OXCT1: variants seen among roughly 807,000 people sequenced by gnomAD.
The protein encoded by OXCT1 is succinyl-CoA:3-ketoacid coenzyme A transferase 1, mitochondrial.
OXCT1 carries 27 observed loss-of-function variants against 69.6 expected under a neutral mutation model. The observed-to-expected ratio is 0.39, with a 90% CI of 0.29 to 0.54. OXCT1 has a LOEUF of 0.54. Among genes scored for constraint, OXCT1 ranks in the 20% least tolerant of loss-of-function variants. The pLI is 0.72. For synonymous variants in OXCT1, 202 were observed against 217.8 expected (o/e 0.93, Z 0.64); for missense variants, 437 against 650.2 (o/e 0.67, Z 3.57).
intron 13 of OXCT1, among the ~76,000 whole-genome samples, chr5:41,782,178 T>C (rs1230852990): frequency 1.3e-5 from 2 of 151,670 alleles, no homozygotes; most frequent in African/African-American, 4.8e-5. Context: ...TATCTCATTC[T>C]GGTTTTGATT....
intron 7 of OXCT1, among the ~76,000 whole-genome samples, chr5:41,819,566 C>T (rs980543752): frequency 3.9e-5 from 6 of 152,118 alleles, no homozygotes; most frequent in African/African-American, 1.4e-4. Context: ...GACAGGGTTT[C>T]GCCACATTTG....
At chr5:41,776,256 T>A (rs1265189075) in intron 13 of OXCT1, among the ~76,000 whole-genome samples, 1 of 152,128 alleles carries the variant, frequency 6.6e-6, no homozygotes, top group Admixed American at 6.6e-5. Context: ...AAGGAAAGAC[T>A]GAGAAACTGG....
At chr5:41,825,346 T>A (rs546540913) in intron 7 of OXCT1, among the ~76,000 whole-genome samples, 84 of 152,280 alleles carry the variant, frequency 5.5e-4, no homozygotes, top group African/African-American at 2.0e-3. Context: ...GTCTTAGACA[T>A]GAGTGGACTT....
At chr5:41,791,898 G>A (rs545206804) in intron 13 of OXCT1, among the ~76,000 whole-genome samples, 11 of 152,078 alleles carry the variant, frequency 7.2e-5, no homozygotes, top group Non-Finnish European at 1.5e-4. Context: ...CCGCCTCCCG[G>A]GTGCACGCCA....
chr5:41,760,530 A>C (rs768640998), intron 14 of OXCT1, among the ~76,000 whole-genome samples: 2 of 152,160 alleles, frequency 1.3e-5, no homozygotes, highest in Non-Finnish European at 2.9e-5. Context: ...GTGGAAGAAA[A>C]GAATTTGCAA....
intron 14 of OXCT1, among the ~76,000 whole-genome samples, chr5:41,760,343 C>A (rs1405497141): frequency 6.6e-6 from 1 of 152,044 alleles, no homozygotes; most frequent in Non-Finnish European, 1.5e-5. Context: ...AAAAATACCT[C>A]ATTCCAATTC....
At chr5:41,788,832 T>A (rs990475670) in intron 13 of OXCT1, among the ~76,000 whole-genome samples, 3 of 152,134 alleles carry the variant, frequency 2.0e-5, no homozygotes, top group Middle Eastern at 6.3e-3. Flanking sequence ...GAATATATAT[T>A]CAAGTGCAAA....
Position 41,825,570 on chromosome 5 carries a change from C to A in OXCT1, c.732+14881G>T, listed in dbSNP as rs574243435. ...CCTTCCACATAACTTACATTTTGGA[C>A]CTTAAGTCCCTCTGTGTTCAGGGAG... On this transcript the variant is annotated intron_variant, in intron 7 of 16. Coordinates refer to ENST00000196371, the MANE Select transcript of OXCT1 (RefSeq NM_000436.4). 4.6e-5 allele frequency among the ~76,000 whole-genome samples: 7 copies of A among 152,320 alleles called. No individual in the cohort carries two copies. The South Asian group carries it at 1.5e-3, about 32-fold the overall frequency.
intron 1 of OXCT1, among the ~76,000 whole-genome samples, chr5:41,863,943 A>G (rs1294625460): frequency 6.6e-6 from 1 of 152,202 alleles, no homozygotes; most frequent in African/African-American, 2.4e-5. Context: ...AGAGGGACAA[A>G]AACACCTTAC....
At chr5:41,784,429 A>G (rs1745553106) in intron 13 of OXCT1, among the ~76,000 whole-genome samples, 1 of 152,230 alleles carries the variant, frequency 6.6e-6, no homozygotes, top group Admixed American at 6.5e-5. Flanking sequence ...TATGTACTCA[A>G]CATATATCCT....
intron 5 of OXCT1, among the ~76,000 whole-genome samples, chr5:41,844,917 G>A (rs1468462013): frequency 6.9e-6 from 1 of 144,150 alleles, no homozygotes; most frequent in African/African-American, 2.6e-5. Context: ...ACCCTCTCTC[G>A]CTGCTTCTGC....
chr5:41,795,168 T>G (rs1187000526), intron 11 of OXCT1, among the ~76,000 whole-genome samples: 1 of 152,198 alleles, frequency 6.6e-6, no homozygotes, highest in African/African-American at 2.4e-5. Flanking sequence ...ATCCCTCATA[T>G]GCACAGTTTA....
intron 13 of OXCT1, among the ~76,000 whole-genome samples, chr5:41,791,878 A>G (rs1745937609): frequency 1.3e-5 from 2 of 151,602 alleles, no homozygotes; most frequent in African/African-American, 2.4e-5. Context: ...ATCTCTGCTC[A>G]CTGCAAGCTC....
chr5:41,768,675 T>G (rs1021908623), intron 13 of OXCT1, among the ~76,000 whole-genome samples: 13 of 152,276 alleles, frequency 8.5e-5, no homozygotes, highest in Middle Eastern at 6.8e-3. Context: ...CTTGACCTTT[T>G]CTCATCCTAG....
chr5:41,744,416 A>C (rs961321466), intron 15 of OXCT1, among the ~76,000 whole-genome samples: 4 of 152,092 alleles, frequency 2.6e-5, no homozygotes, highest in African/African-American at 9.7e-5. Context: ...GCAAACAGGG[A>C]CAATTTGACT....
intron 11 of OXCT1, among the ~76,000 whole-genome samples, chr5:41,798,005 T>C (rs1380056371): frequency 6.6e-6 from 1 of 152,160 alleles, no homozygotes; most frequent in African/African-American, 2.4e-5. Flanking sequence ...GAAGGGCATT[T>C]CTGAGCTACA....
intron 15 of OXCT1, among the ~76,000 whole-genome samples, chr5:41,744,199 G>T (rs1467488069): frequency 6.6e-6 from 1 of 152,092 alleles, no homozygotes; most frequent in East Asian, 1.9e-4. Flanking sequence ...TTGTAAGTTG[G>T]ATTCCTAGGT....
intron 8 of OXCT1, among the ~76,000 whole-genome samples, chr5:41,806,928 A>G (rs568530597): frequency 2.9e-4 from 44 of 152,184 alleles, no homozygotes; most frequent in Non-Finnish European, 5.6e-4. Context: ...ACACTCTAGA[A>G]AAGTGCAAAG....
intron 13 of OXCT1, among the ~76,000 whole-genome samples, chr5:41,772,098 TCAA>T (rs1412437183): frequency 6.6e-6 from 1 of 152,202 alleles, no homozygotes; most frequent in Non-Finnish European, 1.5e-5. Flanking sequence ...ATTAATCTCC[TCAA>T]CAACTCGTTC....
Sources: gnomAD v4.1 joint callset for allele counts (sites outside exome capture counted in the v4.1 genomes callset) on GRCh38, gnomAD v4.1.1 for gene constraint, MANE v1.5 for transcripts, NCBI Gene and HGNC (gene_info 2026-07-23, HGNC 2026-07-21) for gene names.